ARL6IP6: variants seen among roughly 807,000 people sequenced by gnomAD.
ARL6IP6 encodes ADP-ribosylation factor-like protein 6-interacting protein 6.
A neutral mutation model predicts 21.5 loss-of-function variants in ARL6IP6; 22 were observed. That is an observed-to-expected ratio of 1.02 (90% CI 0.73 to 1.46). ARL6IP6 has a LOEUF of 1.46. Ranked by LOEUF, ARL6IP6 falls within the 40% of genes most tolerant of loss-of-function variation. ARL6IP6 has a pLI of 0.00. For missense variants in ARL6IP6, 388 were observed against 299.8 expected (o/e 1.29, Z -2.17); for synonymous variants, 164 against 125.3 (o/e 1.31, Z -2.06).
rs1303830071 is a variant in ARL6IP6 at position 152,760,440 on chromosome 2, T to C, written c.*600T>C. ...GTATTTTCATACTACATACTGAATT[T>C]GTATGTTTTTAAAATTGTTACATCT... is the stretch of plus-strand genomic sequence containing the variant. On this transcript the variant is annotated 3_prime_UTR_variant, in exon 4 of 4. Transcript: ENST00000326446. 3 of 152,064 alleles carry C rather than the reference T, an allele frequency of 2.0e-5. No individual in the cohort carries two copies. The highest frequency in any genetic ancestry group is 7.2e-5 in the African/African-American group (3 of 41,446). The allele number at this position is 152,064 out of a possible 1,614,324, so 9.4% of individuals were successfully genotyped here. A position where few individuals can be genotyped will look rare whatever the true frequency, so the allele number is the denominator to read the frequency against.
At chr2:152,746,730 T>C (rs1215208776) in intron 3 of ARL6IP6, among the ~76,000 whole-genome samples, 1 of 152,036 alleles carries the variant, frequency 6.6e-6, no homozygotes, top group Non-Finnish European at 1.5e-5. Flanking sequence ...TTCTTAAGGT[T>C]TTTTGAGCTG....
At chr2:152,753,153 A>G (rs1022628253) in intron 3 of ARL6IP6, among the ~76,000 whole-genome samples, 1 of 152,168 alleles carries the variant, frequency 6.6e-6, no homozygotes, top group Admixed American at 6.5e-5. Flanking sequence ...AAAAAATAAA[A>G]GCAGGAGACT....
In ARL6IP6 at chr2:152,742,584, A is replaced by AAG. The variant is rs1416456505; in HGVS notation, c.587+7459_587+7460insGA. ...GATACGCTCTTTAAAAAAAAAAAAA[A>AAG]AAAAAAAAAGAACTTTGGGGTTCAT... On this transcript the variant is annotated intron_variant, in intron 3 of 3. Coordinates refer to ENST00000326446, the MANE Select transcript of ARL6IP6 (RefSeq NM_152522.7). Among the ~76,000 whole-genome samples, 3 of 151,734 alleles carry AAG rather than the reference A, an allele frequency of 2.0e-5. No homozygotes were observed. The East Asian group carries it at 5.8e-4, about 29-fold the overall frequency.
intron 3 of ARL6IP6, among the ~76,000 whole-genome samples, chr2:152,752,226 G>A (rs1701368969): frequency 6.6e-6 from 1 of 152,094 alleles, no homozygotes; most frequent in Non-Finnish European, 1.5e-5. Context: ...TTGCCTAACA[G>A]TGTTTTCCTG....
At chr2:152,755,492 T>TA (rs1248479253) in intron 3 of ARL6IP6, among the ~76,000 whole-genome samples, 2 of 152,208 alleles carry the variant, frequency 1.3e-5, no homozygotes, top group Non-Finnish European at 2.9e-5. Flanking sequence ...CTCTGCCTTT[T>TA]AGATAGCAGT....
chr2:152,721,522 G>C (rs1045857446), intron 2 of ARL6IP6, among the ~76,000 whole-genome samples: 2 of 152,180 alleles, frequency 1.3e-5, no homozygotes, highest in African/African-American at 4.8e-5. Context: ...AACTTTACCT[G>C]TCCAGCATAT....
intron 3 of ARL6IP6, among the ~76,000 whole-genome samples, chr2:152,736,971 C>T (rs1302448969): frequency 1.3e-5 from 2 of 152,158 alleles, no homozygotes; most frequent in African/African-American, 4.8e-5. Flanking sequence ...TACCAAGGTG[C>T]AACTGAACTG....
At chr2:152,719,275 A>G (rs537084462) in intron 1 of ARL6IP6, among the ~76,000 whole-genome samples, 28 of 152,336 alleles carry the variant, frequency 1.8e-4, no homozygotes, top group African/African-American at 6.3e-4. Flanking sequence ...TTGAAGAAAT[A>G]TCTTCAAGTC....
chr2:152,724,497 G>A (rs1014705410), intron 2 of ARL6IP6, among the ~76,000 whole-genome samples: 54 of 152,244 alleles, frequency 3.5e-4, no homozygotes, highest in Admixed American at 3.3e-3. Context: ...GAAAAAGAAT[G>A]GGTTATCAGC....
chr2:152,754,879 C>T (rs1166150338), intron 3 of ARL6IP6, among the ~76,000 whole-genome samples: 5 of 151,904 alleles, frequency 3.3e-5, no homozygotes, highest in Non-Finnish European at 7.4e-5. Flanking sequence ...TGTATGTGGG[C>T]GGCAAGCCAC....
At chr2:152,747,642 C>T (rs1484574067) in intron 3 of ARL6IP6, among the ~76,000 whole-genome samples, 1 of 151,518 alleles carries the variant, frequency 6.6e-6, no homozygotes, top group Non-Finnish European at 1.5e-5. Context: ...GTGGCATGAT[C>T]TTGGCTCACT....
chr2:152,729,096 G>A (rs1700179077), intron 2 of ARL6IP6, among the ~76,000 whole-genome samples: 1 of 152,074 alleles, frequency 6.6e-6, no homozygotes, highest in Admixed American at 6.6e-5. Flanking sequence ...CTTTGGCTGG[G>A]CACAGTTGCT....
At chr2:152,744,472 G>T (rs1700956835) in intron 3 of ARL6IP6, among the ~76,000 whole-genome samples, 1 of 152,012 alleles carries the variant, frequency 6.6e-6, no homozygotes, top group Non-Finnish European at 1.5e-5. Context: ...TTTGATATAG[G>T]GTTCATGGCC....
chr2:152,720,718 C>G, intron 2 of ARL6IP6, 132 bp downstream of exon 2: 1 of 791,208 alleles, frequency 1.3e-6, no homozygotes, highest in South Asian at 1.8e-5. Flanking sequence ...TTTTAATTTG[C>G]ATATGTTGGT....
At chr2:152,749,987 A>G (rs1701245708) in intron 3 of ARL6IP6, among the ~76,000 whole-genome samples, 1 of 152,202 alleles carries the variant, frequency 6.6e-6, no homozygotes, top group Non-Finnish European at 1.5e-5. Flanking sequence ...GTTAAATTAT[A>G]TCCATTAATT....
rs930484105 is a variant in ARL6IP6, at chr2:152,739,630, A to G, written c.587+4504A>G. On this transcript the variant is annotated intron_variant, in intron 3 of 3. Transcript: ENST00000326446. ...CTTCTGCACCCTCCAAACTATTTCA[A>G]CCTCTCCCTGTTACCTAGTTCCAAA... Among the ~76,000 whole-genome samples, 10 of 151,344 alleles carry G rather than the reference A, an allele frequency of 6.6e-5. No homozygotes were observed. In the East Asian group the frequency reaches 7.8e-4, roughly 12 times the overall value.
At chr2:152,735,245 A>G (rs1700499620) in intron 3 of ARL6IP6, 119 bp downstream of exon 3, 1 of 1,071,032 alleles carries the variant, frequency 9.3e-7, no homozygotes, top group Non-Finnish European at 1.3e-6. Flanking sequence ...TTTATAAAGC[A>G]CTAATAACAG....
At chr2:152,741,299 C>T (rs761780012) in intron 3 of ARL6IP6, among the ~76,000 whole-genome samples, 1 of 151,728 alleles carries the variant, frequency 6.6e-6, no homozygotes, top group African/African-American at 2.4e-5. Context: ...ATTGGGATCA[C>T]AATGTATATA....
At chr2:152,720,369 T>C in intron 1 of ARL6IP6, 164 bp from the exon 2 acceptor site, 1 of 663,650 alleles carries the variant, frequency 1.5e-6, no homozygotes, top group Non-Finnish European at 2.7e-6. Flanking sequence ...CACATTAATT[T>C]GCTTGCTGAA....
Sources: allele counts gnomAD v4.1 joint callset (sites outside exome capture counted in the v4.1 genomes callset), GRCh38; gene constraint gnomAD v4.1.1; transcripts MANE v1.5; gene names NCBI Gene and HGNC (gene_info 2026-07-23, HGNC 2026-07-21).